RIN2: variants seen among roughly 807,000 people sequenced by gnomAD.
RIN2 encodes the protein Ras and Rab interactor 2.
RIN2 carries 36 observed loss-of-function variants against 78.0 expected under a neutral mutation model. The observed-to-expected ratio is 0.46, with a 90% CI of 0.35 to 0.61. RIN2 has a LOEUF of 0.61. RIN2 is among the 20% of genes least tolerant of loss of function. RIN2 has a pLI of 0.00. For missense variants in RIN2, 1,087 were observed against 1,159.7 expected (o/e 0.94, Z 0.91); for synonymous variants, 466 against 466.8 (o/e 1.00, Z 0.02).
intron 2 of RIN2, among the ~76,000 whole-genome samples, chr20:19,816,172 A>G (rs1031053553): frequency 4.6e-5 from 7 of 152,238 alleles, no homozygotes; most frequent in Non-Finnish European, 1.0e-4. Context: ...GTCTAATTTT[A>G]GAAATTTTCA....
chr20:19,923,341 A>G (rs1164048365), intron 3 of RIN2, among the ~76,000 whole-genome samples: 1 of 151,898 alleles, frequency 6.6e-6, no homozygotes, highest in Non-Finnish European at 1.5e-5. Context: ...CCTTGAACCC[A>G]GGAGGCAGAG....
In RIN2 at chr20:19,932,442, A is replaced by G. The variant is rs543010362; in HGVS notation, c.58-2657A>G. Among the ~76,000 whole-genome samples the G allele has an allele frequency of 3.3e-5, 5 of 152,288 alleles. No individual in the cohort carries two copies. In the East Asian group the frequency reaches 5.8e-4, roughly 18 times the overall value. ...GGGGGATCCTGTTTTCCCACATCCT[A>G]GAGTATTTGGCATTGTCAGACTTTT... On this transcript the variant is annotated intron_variant, in intron 3 of 12. Coordinates refer to ENST00000255006, the MANE Select transcript of RIN2 (RefSeq NM_018993.4).
chr20:19,845,246 C>T (rs1174473659), intron 2 of RIN2, among the ~76,000 whole-genome samples: 1 of 152,146 alleles, frequency 6.6e-6, no homozygotes, highest in Non-Finnish European at 1.5e-5. Flanking sequence ...TGGGTATATA[C>T]CCAGTAATGG....
intron 2 of RIN2, among the ~76,000 whole-genome samples, chr20:19,851,028 AGGAAGGAAGGAAGGAAGGAAGG>A (rs1568814879): frequency 7.3e-4 from 80 of 109,328 alleles, no homozygotes; most frequent in African/African-American, 3.3e-3. Context: ...GAAGGAAGGA[AGGAAGGAAGGAAGGAAGGAAGG>A]AGAAAGAAAG....
intron 5 of RIN2, among the ~76,000 whole-genome samples, chr20:19,959,393 C>G (rs1036389066): frequency 1.3e-5 from 2 of 152,134 alleles, no homozygotes; most frequent in Non-Finnish European, 2.9e-5. Context: ...CCTCTTACCC[C>G]CCTGGATGCT....
intron 2 of RIN2, among the ~76,000 whole-genome samples, chr20:19,810,692 T>C (rs1354153357): frequency 1.9e-5 from 2 of 103,232 alleles, no homozygotes; most frequent in Non-Finnish European, 3.8e-5. Context: ...ACTTTTTTTT[T>C]TTTTTTTTTT....
chr20:19,766,935 AAG>A (rs1402232173), intron 1 of RIN2, among the ~76,000 whole-genome samples: 3 of 152,118 alleles, frequency 2.0e-5, no homozygotes, highest in East Asian at 1.9e-4. Context: ...AAAGAAAAAA[AAG>A]AGTGAGAAAC....
chr20:19,860,724 C>T (rs2037308287), intron 2 of RIN2, among the ~76,000 whole-genome samples: 1 of 152,142 alleles, frequency 6.6e-6, no homozygotes, highest in Non-Finnish European at 1.5e-5. Context: ...GATGGTGTGC[C>T]CCTCTCTCTC....
chr20:19,988,405 C>T (rs1183747366), intron 9 of RIN2, among the ~76,000 whole-genome samples: 1 of 152,198 alleles, frequency 6.6e-6, no homozygotes, highest in Non-Finnish European at 1.5e-5. Flanking sequence ...CAGTCATGAG[C>T]CGCCATGCCT....
chr20:19,947,080 A>G (rs1203165296), intron 4 of RIN2, among the ~76,000 whole-genome samples: 2 of 152,154 alleles, frequency 1.3e-5, no homozygotes, highest in Non-Finnish European at 2.9e-5. Flanking sequence ...AACACACTGA[A>G]TACATATAAC....
chr20:19,796,666 AG>A (rs1257650847), intron 1 of RIN2, among the ~76,000 whole-genome samples: 21 of 152,200 alleles, frequency 1.4e-4, no homozygotes, highest in Non-Finnish European at 2.9e-5. Context: ...GGAATCACGC[AG>A]GGAGCTTCAA....
intron 2 of RIN2, among the ~76,000 whole-genome samples, chr20:19,838,873 G>A (rs865975585): frequency 2.6e-5 from 4 of 152,072 alleles, no homozygotes; most frequent in South Asian, 2.1e-4. Context: ...TGGGGTCCCC[G>A]AGACTTCACC....
chr20:19,790,024 G>A (rs187262176), intron 1 of RIN2, among the ~76,000 whole-genome samples: 2 of 152,034 alleles, frequency 1.3e-5, no homozygotes, highest in East Asian at 1.9e-4. Flanking sequence ...ACTTCTTGAC[G>A]GGCCCTAATT....
At chr20:19,806,614 G>A (rs2035415830) in intron 2 of RIN2, among the ~76,000 whole-genome samples, 1 of 152,168 alleles carries the variant, frequency 6.6e-6, no homozygotes, top group Admixed American at 6.5e-5. Flanking sequence ...TAGGAAAACT[G>A]AGCTGGGTGT....
At chr20:19,802,896 C>T (rs1449945436) in intron 2 of RIN2, among the ~76,000 whole-genome samples, 1 of 152,182 alleles carries the variant, frequency 6.6e-6, no homozygotes, top group Non-Finnish European at 1.5e-5. Flanking sequence ...TGGACACAGT[C>T]CATGCCTTAG....
Position 19,967,206 on chromosome 20 carries a change from A to G in RIN2, c.536+2182A>G, listed in dbSNP as rs140075677. 6.3e-4 allele frequency among the ~76,000 whole-genome samples: 96 copies of G among 152,342 alleles called. 1 individual carries two copies. Among genetic ancestry groups the G allele is most frequent in the African/African-American group, 2.1e-3 (88 of 41,582 alleles). On this transcript the variant is annotated intron_variant, in intron 7 of 12. Transcript: ENST00000255006. ...GTTTGAAGATGCAAGGAGATAAAGTATATGAAAGCCTTATAAACTATAACA... is the reference window on the plus strand; with the variant it reads ...GTTTGAAGATGCAAGGAGATAAAGTGTATGAAAGCCTTATAAACTATAACA...
chr20:19,996,873 C>T (rs1163545766), intron 12 of RIN2, 31 bp downstream of exon 12: 5 of 1,541,462 alleles, frequency 3.2e-6, no homozygotes, highest in Middle Eastern at 2.1e-4. Flanking sequence ...TTGCTTCCTT[C>T]GTCCTCCAGG....
At chr20:19,886,670 A>C in intron 2 of RIN2, 1 of 1,450,714 alleles carries the variant, frequency 6.9e-7, no homozygotes, top group Non-Finnish European at 9.4e-7. Flanking sequence ...TCTACTGGAC[A>C]TGTTGGACTC....
At chr20:19,874,135 C>G (rs1429143784) in intron 2 of RIN2, among the ~76,000 whole-genome samples, 1 of 151,692 alleles carries the variant, frequency 6.6e-6, no homozygotes, top group South Asian at 2.1e-4. Context: ...AAAGTAAATG[C>G]CAAACAACTG....
Sources: allele counts gnomAD v4.1 joint callset (sites outside exome capture counted in the v4.1 genomes callset), GRCh38; gene constraint gnomAD v4.1.1; transcripts MANE v1.5; gene names NCBI Gene and HGNC (gene_info 2026-07-23, HGNC 2026-07-21).